Variants in DMD observed in about 807,000 individuals in gnomAD.
DMD encodes the protein mutant dystrophin.
Under a neutral mutation model 330.1 loss-of-function variants are expected in DMD, and 63 were observed. The ratio of observed to expected loss-of-function variants is 0.19; its 90% CI spans 0.16 to 0.24. DMD has a LOEUF of 0.24. DMD is among the 10% of genes least tolerant of loss of function. The pLI is 1.00. For missense variants in DMD, 3,344 were observed against 2,684.1 expected, an observed-to-expected ratio of 1.25 and a Z score of -5.43; for synonymous variants, 1,223 against 959.8, an observed-to-expected ratio of 1.27 and a Z score of -5.07.
intron 7 of DMD, among the ~76,000 whole-genome samples, chrX:32,706,388 A>T (rs995487924): frequency 2.5e-5 from 2 of 80,470 alleles, no homozygotes; most frequent in African/African-American, 1.9e-4. Context: ...TATAATAATA[A>T]AAAAAAAATG....
At chrX:31,655,646 G>A (rs780193817) in intron 54 of DMD, among the ~76,000 whole-genome samples, 1 of 110,797 alleles carries the variant, frequency 9.0e-6, no homozygotes, top group South Asian at 3.8e-4. Context: ...CTTCATGAAC[G>A]GATTAGCATC....
intron 44 of DMD, among the ~76,000 whole-genome samples, chrX:31,986,297 T>A (rs929773106): frequency 3.6e-5 from 4 of 111,759 alleles, no homozygotes; most frequent in African/African-American, 1.3e-4. Flanking sequence ...GATGATAAAA[T>A]TTTTTTTGTA....
At chrX:32,885,837 A>AAC (rs1569539065) in intron 2 of DMD, among the ~76,000 whole-genome samples, 2 of 108,059 alleles carry the variant, frequency 1.9e-5, no homozygotes, top group African/African-American at 6.7e-5. Flanking sequence ...GAAAAAAAAA[A>AAC]AAAAAAAAAA....
chrX:33,267,541 G>T (rs760689073), intron 1 of DMD, among the ~76,000 whole-genome samples: 1 of 110,068 alleles, frequency 9.1e-6, no homozygotes, highest in Non-Finnish European at 1.9e-5. Flanking sequence ...ATAAAAGAGC[G>T]CATATAGCCG....
At chrX:33,263,900 A>G (rs1469663418) in intron 1 of DMD, among the ~76,000 whole-genome samples, 1 of 111,124 alleles carries the variant, frequency 9.0e-6, no homozygotes, top group Non-Finnish European at 1.9e-5. Flanking sequence ...TCTAATTCTC[A>G]TTTGTTCAAC....
chrX:31,855,031 C>CT (rs2093591973), intron 48 of DMD, among the ~76,000 whole-genome samples: 1 of 112,230 alleles, frequency 8.9e-6, no homozygotes, highest in South Asian at 3.7e-4. Context: ...GAAAGAATGT[C>CT]TGTTCACGGT....
chrX:32,470,045 T>G (rs1243742413), intron 22 of DMD, among the ~76,000 whole-genome samples: 1 of 111,876 alleles, frequency 8.9e-6, no homozygotes, highest in African/African-American at 3.2e-5. Flanking sequence ...GAGACAATTT[T>G]TATTTCACCA....
At position 32,373,436 on chromosome X, in the gene DMD, T is replaced by A. The variant is rs1176304107; in HGVS notation, c.4845+7074A>T. Among the ~76,000 whole-genome samples the A allele has an allele frequency of 1.8e-5, 2 of 110,859 alleles. 1 individual carries two copies. Among genetic ancestry groups the A allele is most frequent in the Non-Finnish European group, 3.8e-5 (2 of 52,883 alleles). On this transcript the variant is annotated intron_variant, in intron 34 of 78. Coordinates refer to ENST00000357033, the MANE Select transcript of DMD (RefSeq NM_004006.3). ...GGCCACATAGTAGTTGTTCTAGGCT[T>A]TGTGAGCCATGCAGTCTCTGTCACA...
intron 51 of DMD, among the ~76,000 whole-genome samples, chrX:31,753,031 T>C (rs1319131149): frequency 8.9e-6 from 1 of 111,892 alleles, no homozygotes; most frequent in Non-Finnish European, 1.9e-5. Flanking sequence ...TTAGCCTCTG[T>C]GTCTTTTCAA....
At position 32,770,398 on chromosome X, in the gene DMD, A is replaced by G. The variant is rs188086876; in HGVS notation, c.649+39095T>C. 1.0e-3 allele frequency among the ~76,000 whole-genome samples: 117 copies of G among 111,920 alleles called. 1 individual carries two copies. The highest frequency in any genetic ancestry group is 3.7e-3 in the African/African-American group (114 of 30,842). ...ATTCGGAATAGAAAACTACATTTAC[A>G]ATGATTTAATACAATATACATTAAT... On this transcript the variant is annotated intron_variant, in intron 7 of 78. Transcript: ENST00000357033.
intron 57 of DMD, among the ~76,000 whole-genome samples, chrX:31,489,843 C>T (rs1210324570): frequency 1.8e-5 from 2 of 112,145 alleles, no homozygotes; most frequent in African/African-American, 6.5e-5. Flanking sequence ...TATGCAGATA[C>T]TGTTTTAAAG....
At chrX:31,330,914 C>T (rs942561409) in intron 61 of DMD, among the ~76,000 whole-genome samples, 48 of 111,607 alleles carry the variant, frequency 4.3e-4, no homozygotes, top group Non-Finnish European at 6.4e-4. Context: ...CTTTTCAAAA[C>T]GTTAAATTAA....
At chrX:33,321,786 C>T (rs1374850133) in intron 1 of DMD, among the ~76,000 whole-genome samples, 1 of 111,466 alleles carries the variant, frequency 9.0e-6, no homozygotes, top group Non-Finnish European at 1.9e-5. Context: ...TTAGTATAAC[C>T]ACTTTTATCA....
At chrX:31,326,031 G>T (rs1425371331) in intron 61 of DMD, among the ~76,000 whole-genome samples, 1 of 108,709 alleles carries the variant, frequency 9.2e-6, no homozygotes, top group Non-Finnish European at 1.9e-5. Context: ...GATAGCAGAA[G>T]AATCACTTTG....
chrX:31,724,243 G>A (rs1172016490), intron 52 of DMD, among the ~76,000 whole-genome samples: 2 of 112,335 alleles, frequency 1.8e-5, no homozygotes, highest in African/African-American at 6.5e-5. Context: ...ATACTGGCTG[G>A]CATTTCATTA....
chrX:31,721,682 CT>C (rs58355482), intron 52 of DMD, among the ~76,000 whole-genome samples: 21,893 of 69,727 alleles, frequency 0.31, 3,356 homozygotes, highest in African/African-American at 0.56. Context: ...CTCTCTCTCT[CT>C]CACTCTCTCT....
chrX:32,885,073 C>T (rs1320232595), intron 2 of DMD, among the ~76,000 whole-genome samples: 2 of 111,753 alleles, frequency 1.8e-5, no homozygotes, highest in African/African-American at 6.5e-5. Flanking sequence ...ACCACTCACA[C>T]GTAATCATTT....
intron 17 of DMD, among the ~76,000 whole-genome samples, chrX:32,535,244 T>C (rs895372563): frequency 9.0e-6 from 1 of 111,595 alleles, no homozygotes; most frequent in African/African-American, 3.3e-5. Context: ...CCAGAACCCA[T>C]CTGTGCAGTA....
At chrX:32,989,792 A>G (rs1406057746) in intron 2 of DMD, among the ~76,000 whole-genome samples, 2 of 111,069 alleles carry the variant, frequency 1.8e-5, no homozygotes, top group Non-Finnish European at 3.8e-5. Context: ...GTCCAATTTG[A>G]CTTTAGTTTA....
Sources: allele counts gnomAD v4.1 joint callset (sites outside exome capture counted in the v4.1 genomes callset), GRCh38; gene constraint gnomAD v4.1.1; transcripts MANE v1.5; gene names NCBI Gene and HGNC (gene_info 2026-07-23, HGNC 2026-07-21).